ABCA8: variants seen among roughly 807,000 people sequenced by gnomAD.
The protein encoded by ABCA8 is ABC-type organic anion transporter ABCA8.
A neutral mutation model predicts 192.3 loss-of-function variants in ABCA8; 177 were observed. The observed-to-expected ratio is 0.92, with a 90% CI of 0.81 to 1.04. The LOEUF (loss-of-function observed/expected upper bound fraction) is 1.04. Among genes scored for constraint, ABCA8 ranks in the 50% least tolerant of loss-of-function variants. The pLI is 0.00. For missense variants in ABCA8, 1,915 were observed against 1,904.8 expected (o/e 1.01, Z -0.10); for synonymous variants, 642 against 690.2 (o/e 0.93, Z 1.09).
chr17:68,921,543 C>G, intron 12 of ABCA8, 51 bp from the exon 13 acceptor site: 1 of 1,166,238 alleles, frequency 8.6e-7, no homozygotes, highest in Non-Finnish European at 1.2e-6. Context: ...GGATGGAAAA[C>G]AATTAAAACC....
chr17:68,942,972 A>G (rs1391353482), intron 2 of ABCA8, among the ~76,000 whole-genome samples: 1 of 152,124 alleles, frequency 6.6e-6, no homozygotes, highest in Non-Finnish European at 1.5e-5. Context: ...TGACTCTATA[A>G]TATTTAGCTT....
chr17:68,869,751 G>A lies in ABCA8; in HGVS notation c.4660C>T (p.Pro1554Ser), dbSNP rs1320404354. 6.2e-7 allele frequency: 1 copy of A among 1,612,952 alleles called. No individual in the cohort carries two copies. The highest frequency in any genetic ancestry group is 8.5e-7 in the Non-Finnish European group (1 of 1,179,146). The change falls in exon 38 of 40, where the codon CCA becomes TCA. Residue 1554 changes from proline (P) to serine (S), a missense_variant. Pro to Ser is a moderately conservative substitution (Grantham distance 74). Coordinates refer to ENST00000586539, the MANE Select transcript of ABCA8 (RefSeq NM_001288985.2). ...RYSSLMVYKL[P>S]VEDVQPLAQA... ...GCTAAAGGTTGCACATCTTCCACTG[G>A]CAACTTATAAACCATCAGAGAGGAG...
At chr17:68,902,986 C>A in intron 20 of ABCA8, 107 bp from the exon 21 acceptor site, 1 of 976,816 alleles carries the variant, frequency 1.0e-6, no homozygotes, top group Non-Finnish European at 1.5e-6. Context: ...AAATTAAACA[C>A]AATTAACTGT....
In ABCA8 at chr17:68,921,256, C is replaced by T. The variant is rs149204830; in HGVS notation, c.1612+126G>A. On this transcript the variant is annotated intron_variant, in intron 13 of 39. Transcript: ENST00000586539. ...AGGAGATATATCTAATGTTAAATGACGCGTTAATGGGTGCAGCACACCAAC... is the reference window on the plus strand; with the variant it reads ...AGGAGATATATCTAATGTTAAATGATGCGTTAATGGGTGCAGCACACCAAC... 3.7e-3 allele frequency: 1,516 copies of T among 409,062 alleles called. 5 individuals are homozygous for T. The highest frequency in any genetic ancestry group is 5.5e-3 in the Non-Finnish European group (1,261 of 229,324). The allele number at this position is 409,062 out of a possible 1,614,324, so 25.3% of individuals were successfully genotyped here. A position where few individuals can be genotyped will look rare whatever the true frequency, so the allele number is the denominator to read the frequency against.
At chr17:68,945,211 G>A (rs1399539365) in intron 2 of ABCA8, among the ~76,000 whole-genome samples, 1 of 152,174 alleles carries the variant, frequency 6.6e-6, no homozygotes, top group Non-Finnish European at 1.5e-5. Flanking sequence ...CATGGAGTGT[G>A]TAGGGTATCT....
intron 20 of ABCA8, 80 bp from the exon 21 acceptor site, chr17:68,902,959 G>T (rs981039626): frequency 7.8e-5 from 95 of 1,217,846 alleles, no homozygotes; most frequent in Non-Finnish European, 1.0e-4. Flanking sequence ...TAATGTAATG[G>T]GATAAAGAAA....
chr17:68,875,752 A>G lies in ABCA8; in HGVS notation c.4371-19T>C, dbSNP rs1185727210. ...GGCCTGCCTATAATGTCAAGAGATTATTTGCAATTTAGGAAATCCTCTAAT... is the reference window on the plus strand; with the variant it reads ...GGCCTGCCTATAATGTCAAGAGATTGTTTGCAATTTAGGAAATCCTCTAAT... On this transcript the variant is annotated intron_variant, in intron 35 of 39. Coordinates refer to ENST00000586539, the MANE Select transcript of ABCA8 (RefSeq NM_001288985.2). 6.3e-7 allele frequency: 1 copy of G among 1,598,752 alleles called. No homozygotes were observed. The highest frequency in any genetic ancestry group is 1.3e-5 in the African/African-American group (1 of 74,074).
At chr17:68,880,758 C>T (rs556068190) in intron 32 of ABCA8, 87 of 298,502 alleles carry the variant, frequency 2.9e-4, no homozygotes, top group Non-Finnish European at 4.4e-4. Flanking sequence ...CACCCATCAC[C>T]GCTATGCACC....
chr17:68,904,495 G>T (rs1404708751), intron 19 of ABCA8, among the ~76,000 whole-genome samples: 1 of 151,946 alleles, frequency 6.6e-6, no homozygotes, highest in East Asian at 1.9e-4. Context: ...ATTTCTAGGG[G>T]GAGAAGATTC....
At chr17:68,870,894 T>C (rs909726585) in intron 37 of ABCA8, among the ~76,000 whole-genome samples, 2 of 152,156 alleles carry the variant, frequency 1.3e-5, no homozygotes, top group Admixed American at 1.3e-4. Context: ...GATAGTTCTA[T>C]TTTTGATATT....
At chr17:68,872,966 A>T (rs1206654252) in intron 37 of ABCA8, among the ~76,000 whole-genome samples, 1 of 152,256 alleles carries the variant, frequency 6.6e-6, no homozygotes, top group African/African-American at 2.4e-5. Flanking sequence ...AAAGTTACAG[A>T]ACACTAAGGT....
chr17:68,888,170 A>G (rs1197639420), intron 24 of ABCA8, among the ~76,000 whole-genome samples: 1 of 151,196 alleles, frequency 6.6e-6, no homozygotes. Context: ...CATAGTCCAC[A>G]TTCAAGTATT....
chr17:68,907,837 T>G lies in ABCA8; in HGVS notation c.2181A>C (p.Ser727=). 6.2e-7 allele frequency: 1 copy of G among 1,605,086 alleles called. No individual in the cohort carries two copies. Residue 727 remains serine, a synonymous_variant, in exon 18 of 40, where the codon TCA becomes TCC. Coordinates refer to ENST00000586539, the MANE Select transcript of ABCA8 (RefSeq NM_001288985.2). ...NEICVEENIT[S]LVKQHIPDAK... ...CATCAGGGATGTGCTGTTTAACAAG[T>G]GATGTTATGTTTTCCTCAACACATA... is the stretch of plus-strand genomic sequence containing the variant.
intron 13 of ABCA8, 121 bp downstream of exon 13, chr17:68,921,261 T>C (rs2067524584): frequency 2.2e-6 from 1 of 452,538 alleles, no homozygotes; most frequent in Admixed American, 3.3e-5. Context: ...AATGACGCGT[T>C]AATGGGTGCA....
intron 35 of ABCA8, 134 bp downstream of exon 35, chr17:68,876,314 TGCAAAGTATTGG>T: frequency 1.2e-6 from 1 of 844,642 alleles, no homozygotes; most frequent in Non-Finnish European, 1.8e-6. Context: ...CTTTTTTTTT[TGCAAAGTATTGG>T]TTTTACAAGT....
chr17:68,888,659 C>T (rs565026923), intron 24 of ABCA8, among the ~76,000 whole-genome samples: 1 of 152,158 alleles, frequency 6.6e-6, no homozygotes, highest in Non-Finnish European at 1.5e-5. Flanking sequence ...TTAAGTATCT[C>T]TACATTCAGT....
chr17:68,871,727 A>G (rs1351844051), intron 37 of ABCA8, among the ~76,000 whole-genome samples: 2 of 152,138 alleles, frequency 1.3e-5, no homozygotes, highest in Non-Finnish European at 2.9e-5. Context: ...GAAAAATTCT[A>G]TTGCTTAGAG....
At chr17:68,919,178 G>T in intron 14 of ABCA8, 123 bp downstream of exon 14, 2 of 902,076 alleles carry the variant, frequency 2.2e-6, no homozygotes, top group Non-Finnish European at 3.3e-6. Flanking sequence ...TGTTTAAATT[G>T]GATTTTCTTG....
chr17:68,919,385 C>T lies in ABCA8; in HGVS notation c.1704G>A (p.Val568=). Residue 568 remains valine, a synonymous_variant, in exon 14 of 40, where the codon GTG becomes GTA. Coordinates refer to ENST00000586539, the MANE Select transcript of ABCA8 (RefSeq NM_001288985.2). ...CTCTTACAGTGAGGAAGTCAAATTG[C>T]ACATTGGATTGTGGACAAACTCCGG... is the stretch of plus-strand genomic sequence containing the variant. ...KLTGVCPQSN[V]QFDFLTVREN... The T allele has an allele frequency of 2.5e-6, 4 of 1,613,998 alleles. No homozygotes were observed. The highest frequency in any genetic ancestry group is 3.4e-6 in the Non-Finnish European group (4 of 1,179,974).
Sources: allele counts gnomAD v4.1 joint callset (sites outside exome capture counted in the v4.1 genomes callset), GRCh38; gene constraint gnomAD v4.1.1; transcripts MANE v1.5; gene names NCBI Gene and HGNC (gene_info 2026-07-23, HGNC 2026-07-21).